Variants in UBE2O observed in about 807,000 individuals in gnomAD.
UBE2O encodes (E3-independent) E2 ubiquitin-conjugating enzyme.
Under a neutral mutation model 125.8 loss-of-function variants are expected in UBE2O, and 15 were observed. That is an observed-to-expected ratio of 0.12 (90% CI 0.08 to 0.18). The LOEUF is 0.18. Ranked by LOEUF, UBE2O falls within the 10% of genes least tolerant of loss-of-function variation. UBE2O has a pLI of 1.00. For synonymous variants in UBE2O, 708 were observed against 703.2 expected, an observed-to-expected ratio of 1.01 and a Z score of -0.11; for missense variants, 1,280 against 1,723.6, an observed-to-expected ratio of 0.74 and a Z score of 4.56.
chr17:76,409,953 G>T (rs995622023), intron 1 of UBE2O, among the ~76,000 whole-genome samples: 10 of 152,318 alleles, frequency 6.6e-5, no homozygotes, highest in African/African-American at 2.4e-4. Flanking sequence ...GCACAGTGAA[G>T]AATTTTAAAT....
At chr17:76,420,481 T>C (rs2072690828) in intron 1 of UBE2O, among the ~76,000 whole-genome samples, 1 of 152,050 alleles carries the variant, frequency 6.6e-6, no homozygotes, top group Non-Finnish European at 1.5e-5. Flanking sequence ...CCCACATCTT[T>C]ACCCAAACAC....
intron 1 of UBE2O, among the ~76,000 whole-genome samples, chr17:76,440,322 CTCTT>C (rs1235638543): frequency 9.2e-5 from 14 of 152,222 alleles, no homozygotes; most frequent in Non-Finnish European, 1.8e-4. Flanking sequence ...TTAATTTCAT[CTCTT>C]TGTTTTTTTT....
At position 76,402,254 on chromosome 17, in the gene UBE2O, GC is replaced by G. The variant is rs1567836084; in HGVS notation, c.687-128del. The G allele has an allele frequency of 6.1e-6, 5 of 821,772 alleles. No individual in the cohort carries two copies. The highest frequency in any genetic ancestry group is 2.6e-5 in the Admixed American group (1 of 39,060). The allele number at this position is 821,772 out of a possible 1,614,324, so 50.9% of individuals were successfully genotyped here. A position where few individuals can be genotyped will look rare whatever the true frequency, so the allele number is the denominator to read the frequency against. On this transcript the variant is annotated intron_variant, in intron 4 of 17. Transcript: ENST00000319380. The surrounding 1 kb of genome is among the most constrained non-coding windows in gnomAD (Gnocchi z 5.4). ...CAATTCGTCTTCTACCATCAACTCAGCCCGAGGTAGTACAAGAAACTCTCCC... is the reference window on the plus strand; with the variant it reads ...CAATTCGTCTTCTACCATCAACTCAGCCGAGGTAGTACAAGAAACTCTCCC...
Position 76,396,187 on chromosome 17 carries a change from G to A in UBE2O, c.2750C>T (p.Pro917Leu). ...PVLCQQCGGK[P>L]GVTFTSAKGE... ...CTTGGCGCTGGTGAAGGTGACGCCA[G>A]GCTTGCCGCCACACTGCTGGCACAG... The change falls in exon 14 of 18, where the codon CCT becomes CTT. Residue 917 changes from proline to leucine, a missense_variant. Coordinates refer to ENST00000319380, the MANE Select transcript of UBE2O (RefSeq NM_022066.4). This position sits in a 1 kb window ranked among gnomAD's most constrained non-coding sequence, Gnocchi z 6.7. The A allele has an allele frequency of 6.2e-7, 1 of 1,614,002 alleles. No homozygotes were observed. Among genetic ancestry groups the A allele is most frequent in the Non-Finnish European group, 8.5e-7 (1 of 1,179,936 alleles).
rs1461308248 is a variant in UBE2O, at chr17:76,390,614, G to A, written c.*329C>T. On this transcript the variant is annotated 3_prime_UTR_variant, in exon 18 of 18. Transcript: ENST00000319380. ...ACCGGCCCAGAGAGCCCCGCGGCAG[G>A]CCCTGGAACACCCGCCTCTGACCTG... is the stretch of plus-strand genomic sequence containing the variant. 1 of 255,322 alleles carries A rather than the reference G, an allele frequency of 3.9e-6. No homozygotes were observed. Among genetic ancestry groups the A allele is most frequent in the African/African-American group, 2.2e-5 (1 of 44,460 alleles). 15.8% of individuals were successfully genotyped at this position (255,322 alleles called of 1,614,324 possible).
chr17:76,427,372 C>A (rs1175371156), intron 1 of UBE2O, among the ~76,000 whole-genome samples: 4 of 152,144 alleles, frequency 2.6e-5, no homozygotes, highest in Non-Finnish European at 5.9e-5. Context: ...AAGATGTATT[C>A]TGTCTTATTC....
intron 1 of UBE2O, among the ~76,000 whole-genome samples, chr17:76,423,253 C>A (rs1663778092): frequency 6.6e-6 from 1 of 152,114 alleles, no homozygotes; most frequent in Admixed American, 6.5e-5. Flanking sequence ...GTGGTACGCA[C>A]CTGGAGCCCC....
chr17:76,448,505 A>T (rs1189214516), intron 1 of UBE2O, among the ~76,000 whole-genome samples: 1 of 152,204 alleles, frequency 6.6e-6, no homozygotes, highest in Non-Finnish European at 1.5e-5. Context: ...GTCATCAGGG[A>T]TGTTTCACAC....
rs1260706896 is a variant in UBE2O at position 76,396,502 on chromosome 17, C to T, written c.2435G>A (p.Arg812Gln). The change falls in exon 14 of 18, where the codon CGG becomes CAG. Residue 812 changes from arginine to glutamine, a missense_variant. Around this residue, in one of 10 missense-constraint regions of UBE2O, gnomAD observed 210 missense variants for 268.9 expected, o/e 0.78. Transcript: ENST00000319380. This position sits in a 1 kb window ranked among gnomAD's most constrained non-coding sequence, Gnocchi z 6.7. Reference protein sequence around the residue: ...AGKDGPPKSFRELKEAIKILE... With the variant: ...AGKDGPPKSFQELKEAIKILE... Reference sequence around the variant, plus strand: ...GATCTTGATGGCCTCTTTCAACTCCCGGAAGCTCTTGGGTGGCCCGTCCTT... The same window carrying T: ...GATCTTGATGGCCTCTTTCAACTCCTGGAAGCTCTTGGGTGGCCCGTCCTT... The T allele has an allele frequency of 1.9e-6, 3 of 1,613,814 alleles. No homozygotes were observed. Among genetic ancestry groups the T allele is most frequent in the Non-Finnish European group, 2.5e-6 (3 of 1,179,968 alleles).
rs1336723655 is a variant in UBE2O at position 76,424,849 on chromosome 17, C to CT, written c.418-19278dup. The stretch of plus-strand genomic sequence containing the variant: ...CCTCCAAAATTAATTTCACCTGTTT[C>CT]TTTTTTTTTTTTTATTTTTTATTTT... On this transcript the variant is annotated intron_variant, in intron 1 of 17. Transcript: ENST00000319380. Among the ~76,000 whole-genome samples, 704 of 143,836 alleles carry CT rather than the reference C, an allele frequency of 4.9e-3. 1 individual carries two copies. The highest frequency in any genetic ancestry group is 0.013 in the African/African-American group (515 of 39,164). The allele number at this position is 143,836 out of a possible 152,430, so 94.4% of individuals were successfully genotyped here.
chr17:76,445,939 C>G (rs1274506372), intron 1 of UBE2O, among the ~76,000 whole-genome samples: 1 of 152,204 alleles, frequency 6.6e-6, no homozygotes, highest in Non-Finnish European at 1.5e-5. Flanking sequence ...CCATGACCTT[C>G]TCCAGGACTG....
At chr17:76,433,998 A>C (rs1349152686) in intron 1 of UBE2O, among the ~76,000 whole-genome samples, 1 of 152,218 alleles carries the variant, frequency 6.6e-6, no homozygotes, top group Non-Finnish European at 1.5e-5. Flanking sequence ...AACTATACTC[A>C]CCAGAAGACA....
intron 1 of UBE2O, among the ~76,000 whole-genome samples, chr17:76,450,270 G>C (rs2073217811): frequency 6.6e-6 from 1 of 151,990 alleles, no homozygotes; most frequent in Admixed American, 6.6e-5. Flanking sequence ...AAGGTCCCAG[G>C]ACCCACCCTA....
chr17:76,420,129 G>C (rs918818082), intron 1 of UBE2O, among the ~76,000 whole-genome samples: 3 of 152,174 alleles, frequency 2.0e-5, no homozygotes, highest in Non-Finnish European at 4.4e-5. Context: ...CAAATGCCAA[G>C]CCTTGGCTGC....
rs376532912 is a variant in UBE2O, at chr17:76,391,737, C to G, written c.3208+19G>C. On this transcript the variant is annotated intron_variant, in intron 17 of 17. Transcript: ENST00000319380. The surrounding 1 kb of genome is among the most constrained non-coding windows in gnomAD (Gnocchi z 8.4). Reference sequence around the variant, plus strand: ...ACCGGCCCTCCCTTGTCCGCACCCCCGCTTCAGCCCAACTGTACCTTGGAT... The same window carrying G: ...ACCGGCCCTCCCTTGTCCGCACCCCGGCTTCAGCCCAACTGTACCTTGGAT... 2 of 1,613,578 alleles carry G rather than the reference C, an allele frequency of 1.2e-6. No homozygotes were observed. Among genetic ancestry groups the G allele is most frequent in the Non-Finnish European group, 1.7e-6 (2 of 1,179,646 alleles).
chr17:76,443,233 T>A (rs1228338985), intron 1 of UBE2O, among the ~76,000 whole-genome samples: 1 of 152,184 alleles, frequency 6.6e-6, no homozygotes, highest in Non-Finnish European at 1.5e-5. Flanking sequence ...TTTTTTCCTA[T>A]TAAAAAGTTG....
intron 1 of UBE2O, among the ~76,000 whole-genome samples, chr17:76,420,578 CA>C (rs994656929): frequency 2.0e-5 from 3 of 152,120 alleles, no homozygotes; most frequent in Non-Finnish European, 4.4e-5. Context: ...ATGACTATGT[CA>C]AAACAATGAT....
rs567174649 is a variant in UBE2O, at chr17:76,444,758, A to G, written c.417+7967T>C. Reference sequence around the variant, plus strand: ...AAAAGCACACTGGGGGACCAGAGAAATGCTTTCTTCCTTGGCTTGAAGATG... The same window carrying G: ...AAAAGCACACTGGGGGACCAGAGAAGTGCTTTCTTCCTTGGCTTGAAGATG... On this transcript the variant is annotated intron_variant, in intron 1 of 17. Coordinates refer to ENST00000319380, the MANE Select transcript of UBE2O (RefSeq NM_022066.4). Among the ~76,000 whole-genome samples, 71 of 152,296 alleles carry G rather than the reference A, an allele frequency of 4.7e-4. 1 individual carries two copies. In the South Asian group the frequency reaches 0.013, roughly 29 times the overall value.
intron 1 of UBE2O, among the ~76,000 whole-genome samples, chr17:76,450,511 A>G (rs2073221850): frequency 6.6e-6 from 1 of 152,086 alleles, no homozygotes; most frequent in African/African-American, 2.4e-5. Flanking sequence ...CAGATGCTAC[A>G]ATGACAAAAT....
Sources: allele counts gnomAD v4.1 joint callset (sites outside exome capture counted in the v4.1 genomes callset), GRCh38; gene constraint gnomAD v4.1.1; regional missense constraint gnomAD v4.1.1; non-coding constraint Gnocchi (gnomAD v3.1); transcripts MANE v1.5; gene names NCBI Gene and HGNC (gene_info 2026-07-23, HGNC 2026-07-21).